IRF2: variants seen among roughly 807,000 people sequenced by gnomAD.
IRF2 encodes the protein interferon regulatory factor 2.
Under a neutral mutation model 40.6 loss-of-function variants are expected in IRF2, and 15 were observed. That is an observed-to-expected ratio of 0.37 (90% confidence interval 0.25 to 0.57). The LOEUF (loss-of-function observed/expected upper bound fraction) is 0.57. Ranked by LOEUF, IRF2 falls within the 20% of genes least tolerant of loss-of-function variation. The pLI is 0.77. For missense variants in IRF2, 317 were observed against 455.7 expected (o/e 0.70, Z 2.77); for synonymous variants, 151 against 165.5 (o/e 0.91, Z 0.67).
chr4:184,468,768 G>A (rs918944835), intron 1 of IRF2, among the ~76,000 whole-genome samples: 10 of 152,158 alleles, frequency 6.6e-5, no homozygotes, highest in African/African-American at 1.9e-4. Context: ...TAAGAGGCTC[G>A]CTATCAAGGC....
At chr4:184,396,435 TC>T (rs537939822) in intron 7 of IRF2, among the ~76,000 whole-genome samples, 4 of 145,890 alleles carry the variant, frequency 2.7e-5, no homozygotes, top group Non-Finnish European at 4.5e-5. Context: ...TATTTTTTTT[TC>T]TTTTTTTTTT....
Position 184,398,941 on chromosome 4 carries a change from T to A in IRF2, c.668A>T (p.Gln223Leu). Residue 223 changes from glutamine to leucine, a missense_variant, in exon 7 of 9, where the codon CAG (glutamine) becomes CTG (leucine). By Grantham distance (113) the Gln-to-Leu change is moderately radical. Around this residue, in one of 2 missense-constraint regions of IRF2, gnomAD observed 262 missense variants for 334.0 expected, o/e 0.78. Coordinates refer to ENST00000393593, the MANE Select transcript of IRF2 (RefSeq NM_002199.4). ...TGCATAGGAAGACACGGGGGAGATC[T>A]GCAGAGGGTAGAGCTCGCTCATGCT... ...PVSMSELYPLQISPVSSYAES... is the reference protein window; with the variant it reads ...PVSMSELYPLLISPVSSYAES... The A allele has an allele frequency of 6.2e-7, 1 of 1,610,320 alleles. No individual in the cohort carries two copies. Among genetic ancestry groups the A allele is most frequent in the Non-Finnish European group, 8.5e-7 (1 of 1,178,558 alleles).
At chr4:184,472,067 A>G (rs1441925101) in intron 1 of IRF2, 2 of 152,260 alleles carry the variant, frequency 1.3e-5, no homozygotes, top group East Asian at 3.8e-4. Context: ...AATTACAGTG[A>G]AATTCCGGAC....
intron 1 of IRF2, among the ~76,000 whole-genome samples, chr4:184,468,083 G>A (rs1028022045): frequency 1.3e-5 from 2 of 152,188 alleles, no homozygotes; most frequent in African/African-American, 4.8e-5. Context: ...TGATAAAGGA[G>A]TTATAAACCA....
intron 7 of IRF2, among the ~76,000 whole-genome samples, chr4:184,391,757 G>A (rs1736271253): frequency 6.6e-6 from 1 of 152,262 alleles, no homozygotes; most frequent in Non-Finnish European, 1.5e-5. Context: ...AAGCCACTAA[G>A]TTTGTGGCTG....
rs1428592174 is a variant in IRF2 at position 184,441,167 on chromosome 4, C to T, written c.-6-12097G>A. On this transcript the variant is annotated intron_variant, in intron 1 of 8. Coordinates refer to ENST00000393593, the MANE Select transcript of IRF2 (RefSeq NM_002199.4). ...CTGGTTCATTGTGATGTGCTTTAAT[C>T]CACTGAGACCAACGCTCCTTAGGCC... 3.9e-5 allele frequency among the ~76,000 whole-genome samples: 6 copies of T among 152,192 alleles called. No individual in the cohort carries two copies. The East Asian group carries it at 1.2e-3, about 29-fold the overall frequency.
chr4:184,445,194 G>A (rs143914701), intron 1 of IRF2, among the ~76,000 whole-genome samples: 139 of 152,316 alleles, frequency 9.1e-4, no homozygotes, highest in African/African-American at 3.2e-3. Context: ...GCCTCTGGGG[G>A]GCGGGGGTGT....
intron 1 of IRF2, among the ~76,000 whole-genome samples, chr4:184,456,265 T>G (rs140906338): frequency 1.3e-5 from 2 of 152,144 alleles, no homozygotes; most frequent in Non-Finnish European, 2.9e-5. Flanking sequence ...TAATATTTTA[T>G]GTAAAAACCC....
chr4:184,412,961 C>T (rs1737130007), intron 5 of IRF2, among the ~76,000 whole-genome samples: 1 of 152,192 alleles, frequency 6.6e-6, no homozygotes, highest in Admixed American at 6.5e-5. Context: ...TGGCATTTAC[C>T]TTCAGGGCTC....
At chr4:184,469,072 G>A (rs1325082456) in intron 1 of IRF2, among the ~76,000 whole-genome samples, 2 of 152,192 alleles carry the variant, frequency 1.3e-5, no homozygotes, top group East Asian at 3.8e-4. Context: ...ATAACACAAT[G>A]TGTGCATTTA....
rs762602819 is a variant in IRF2, at chr4:184,388,710, C to T, written c.*48G>A. ...AAAAAAATAAAATACAAACAAACAACAAAACAAAGCCAAGAAGCCCCAACA... is the reference window on the plus strand; with the variant it reads ...AAAAAAATAAAATACAAACAAACAATAAAACAAAGCCAAGAAGCCCCAACA... On this transcript the variant is annotated 3_prime_UTR_variant, in exon 9 of 9. Transcript: ENST00000393593. The surrounding 1 kb of genome is among the most constrained non-coding windows in gnomAD (Gnocchi z 4.6). 22 of 1,551,486 alleles carry T rather than the reference C, an allele frequency of 1.4e-5. No individual in the cohort carries two copies. Among genetic ancestry groups the T allele is most frequent in the Non-Finnish European group, 1.5e-5 (17 of 1,150,248 alleles).
At chr4:184,440,788 T>A (rs1738276086) in intron 1 of IRF2, among the ~76,000 whole-genome samples, 1 of 152,206 alleles carries the variant, frequency 6.6e-6, no homozygotes, top group Non-Finnish European at 1.5e-5. Context: ...CTCACTTGGG[T>A]GTGACCTTTT....
intron 6 of IRF2, among the ~76,000 whole-genome samples, chr4:184,401,786 G>A (rs976493010): frequency 6.6e-6 from 1 of 152,208 alleles, no homozygotes; most frequent in Non-Finnish European, 1.5e-5. Flanking sequence ...GCATACTAAG[G>A]CAGTGAAGGT....
chr4:184,407,593 T>G (rs1736905629), intron 6 of IRF2, among the ~76,000 whole-genome samples: 1 of 152,250 alleles, frequency 6.6e-6, no homozygotes, highest in Admixed American at 6.5e-5. Flanking sequence ...ATGGTAACAC[T>G]GCAGTTATCT....
chr4:184,406,053 A>G (rs1736841867), intron 6 of IRF2, among the ~76,000 whole-genome samples: 1 of 152,070 alleles, frequency 6.6e-6, no homozygotes, highest in Non-Finnish European at 1.5e-5. Flanking sequence ...ATGGAGTTTC[A>G]TCTTGCTAAG....
At chr4:184,407,098 CCAGT>C (rs1221727749) in intron 6 of IRF2, 1 of 828,780 alleles carries the variant, frequency 1.2e-6, no homozygotes, top group Non-Finnish European at 1.8e-6. Context: ...ACTGCCGAGA[CCAGT>C]CAGACAGAAT....
At chr4:184,400,115 T>A (rs1736613820) in intron 6 of IRF2, among the ~76,000 whole-genome samples, 1 of 152,214 alleles carries the variant, frequency 6.6e-6, no homozygotes, top group Non-Finnish European at 1.5e-5. Flanking sequence ...ACATAAAGGT[T>A]CATGTACCTA....
chr4:184,407,251 A>G, intron 6 of IRF2: 1 of 1,287,186 alleles, frequency 7.8e-7, no homozygotes, highest in Non-Finnish European at 1.0e-6. Flanking sequence ...TCCCAAAAAC[A>G]GAAGTCACCA....
At chr4:184,432,277 C>A (rs1308443283) in intron 1 of IRF2, among the ~76,000 whole-genome samples, 1 of 152,246 alleles carries the variant, frequency 6.6e-6, no homozygotes, top group Non-Finnish European at 1.5e-5. Context: ...TCATCTGATG[C>A]ACGTGTTCCC....
Sources: gnomAD v4.1 joint callset for allele counts (sites outside exome capture counted in the v4.1 genomes callset) on GRCh38, gnomAD v4.1.1 for gene constraint, gnomAD v4.1.1 regional missense constraint, Gnocchi (gnomAD v3.1) non-coding constraint, MANE v1.5 for transcripts, NCBI Gene and HGNC (gene_info 2026-07-23, HGNC 2026-07-21) for gene names.